Variants in AGBL4 observed in about 807,000 individuals in gnomAD.
AGBL4 encodes AGBL carboxypeptidase 4.
AGBL4 carries 58 observed loss-of-function variants against 66.4 expected under a neutral mutation model. The ratio of observed to expected loss-of-function variants is 0.87; its 90% CI spans 0.71 to 1.09. The LOEUF is 1.09. Ranked by LOEUF, AGBL4 falls within the 50% of genes least tolerant of loss-of-function variation. AGBL4 has a pLI of 0.00. For synonymous variants in AGBL4, 234 were observed against 222.9 expected, an observed-to-expected ratio of 1.05 and a Z score of -0.44; for missense variants, 579 against 631.0, an observed-to-expected ratio of 0.92 and a Z score of 0.88.
chr1:49,601,960 A>G (rs1644968511), intron 3 of AGBL4, among the ~76,000 whole-genome samples: 1 of 152,202 alleles, frequency 6.6e-6, no homozygotes, highest in African/African-American at 2.4e-5. Context: ...CCATCTGACA[A>G]AGGGCTAATA....
chr1:49,985,280 A>G (rs1659408137), intron 1 of AGBL4, among the ~76,000 whole-genome samples: 1 of 152,154 alleles, frequency 6.6e-6, no homozygotes, highest in South Asian at 2.1e-4. Context: ...TAAATAAATC[A>G]TTTTATTAGA....
chr1:49,605,130 A>T (rs547458485), intron 3 of AGBL4, among the ~76,000 whole-genome samples: 1 of 152,260 alleles, frequency 6.6e-6, no homozygotes, highest in African/African-American at 2.4e-5. Flanking sequence ...CAAGGTCACA[A>T]AGCTGTGGAG....
intron 3 of AGBL4, among the ~76,000 whole-genome samples, chr1:49,509,223 G>C (rs1339475624): frequency 2.6e-5 from 4 of 151,754 alleles, no homozygotes; most frequent in Non-Finnish European, 5.9e-5. Flanking sequence ...GAAGATTCAA[G>C]GTGGAGAGGA....
At chr1:48,672,904 C>T (rs1010840972) in intron 6 of AGBL4, among the ~76,000 whole-genome samples, 3 of 152,128 alleles carry the variant, frequency 2.0e-5, no homozygotes, top group South Asian at 2.1e-4. Flanking sequence ...GAAGAGGAAC[C>T]GTTTTGAGCA....
intron 1 of AGBL4, among the ~76,000 whole-genome samples, chr1:49,961,958 T>C (rs1364979834): frequency 6.6e-6 from 1 of 152,142 alleles, no homozygotes; most frequent in East Asian, 1.9e-4. Flanking sequence ...TTCTCTAGAA[T>C]TCTTTTGGAG....
Position 48,806,482 on chromosome 1 carries a change from C to G in AGBL4, c.634+60709G>C, listed in dbSNP as rs137886262. On this transcript the variant is annotated intron_variant, in intron 6 of 13. Coordinates refer to ENST00000371839, the MANE Select transcript of AGBL4 (RefSeq NM_032785.4). Reference sequence around the variant, plus strand: ...TGAGCAAAATCCCTACCTCTAGTGCCCCTACATTGATCTTTGTTCTGCATT... The same window carrying G: ...TGAGCAAAATCCCTACCTCTAGTGCGCCTACATTGATCTTTGTTCTGCATT... Among the ~76,000 whole-genome samples the G allele has an allele frequency of 5.9e-3, 905 of 152,290 alleles. 7 individuals are homozygous for G. The highest frequency in any genetic ancestry group is 9.1e-3 in the Non-Finnish European group (620 of 68,026).
intron 9 of AGBL4, among the ~76,000 whole-genome samples, chr1:48,618,937 T>C (rs943431208): frequency 6.8e-6 from 1 of 146,456 alleles, no homozygotes; most frequent in African/African-American, 2.6e-5. Flanking sequence ...GATGTCATTA[T>C]ACCAAGAAAA....
chr1:48,994,761 A>G (rs1660874816), intron 5 of AGBL4, among the ~76,000 whole-genome samples: 1 of 152,172 alleles, frequency 6.6e-6, no homozygotes. Context: ...TGGTTTATAT[A>G]TATATTCATT....
chr1:49,228,626 G>A (rs896003769), intron 4 of AGBL4, among the ~76,000 whole-genome samples: 7 of 152,226 alleles, frequency 4.6e-5, no homozygotes, highest in African/African-American at 1.4e-4. Context: ...AGTGAAACTG[G>A]ATTGCTGTGA....
chr1:49,190,428 T>G (rs1177913318), intron 4 of AGBL4, among the ~76,000 whole-genome samples: 1 of 152,208 alleles, frequency 6.6e-6, no homozygotes, highest in Non-Finnish European at 1.5e-5. Flanking sequence ...GCTTAACTTT[T>G]TATCAATCAT....
At chr1:49,477,740 G>A (rs902863536) in intron 3 of AGBL4, among the ~76,000 whole-genome samples, 2 of 151,900 alleles carry the variant, frequency 1.3e-5, no homozygotes, top group African/African-American at 4.8e-5. Flanking sequence ...AACAATCCTG[G>A]AGAAAGAGAT....
At chr1:49,115,116 G>A (rs143060189) in intron 4 of AGBL4, among the ~76,000 whole-genome samples, 174 of 152,214 alleles carry the variant, frequency 1.1e-3, no homozygotes, top group African/African-American at 3.9e-3. Flanking sequence ...AAAGCAAAAT[G>A]CTATAAAATG....
At chr1:49,947,961 TAA>T (rs1390202452) in intron 1 of AGBL4, among the ~76,000 whole-genome samples, 1 of 77,036 alleles carries the variant, frequency 1.3e-5, no homozygotes, top group Admixed American at 2.0e-4. Context: ...AATATATATA[TAA>T]ATATATATAT....
chr1:48,673,047 C>A (rs1646303032), intron 6 of AGBL4, among the ~76,000 whole-genome samples: 1 of 152,172 alleles, frequency 6.6e-6, no homozygotes, highest in African/African-American at 2.4e-5. Flanking sequence ...GAATTTGAAC[C>A]TTCTCTATCT....
chr1:48,844,853 A>G (rs1249707515), intron 6 of AGBL4, among the ~76,000 whole-genome samples: 1 of 152,182 alleles, frequency 6.6e-6, no homozygotes, highest in African/African-American at 2.4e-5. Flanking sequence ...TGTCTGATTC[A>G]TCTCTGTATG....
At chr1:49,243,612 G>T (rs371503782) in intron 4 of AGBL4, among the ~76,000 whole-genome samples, 2 of 151,782 alleles carry the variant, frequency 1.3e-5, no homozygotes, top group East Asian at 1.9e-4. Flanking sequence ...TTCCCTTTTG[G>T]AACAGATCTT....
chr1:49,601,041 C>T (rs766784836), intron 3 of AGBL4, among the ~76,000 whole-genome samples: 27 of 152,180 alleles, frequency 1.8e-4, no homozygotes, highest in Admixed American at 2.0e-4. Context: ...CCTGACCTTT[C>T]TCTCTGGCTG....
intron 2 of AGBL4, among the ~76,000 whole-genome samples, chr1:49,785,514 C>A (rs1166284725): frequency 6.6e-6 from 1 of 151,800 alleles, no homozygotes; most frequent in Non-Finnish European, 1.5e-5. Context: ...ACTATTGTTA[C>A]AATTAGAAAT....
intron 9 of AGBL4, among the ~76,000 whole-genome samples, chr1:48,602,263 G>A (rs959385696): frequency 2.0e-5 from 3 of 152,096 alleles, no homozygotes; most frequent in Non-Finnish European, 1.5e-5. Context: ...AAGCTGCTAC[G>A]TGACCCTGGA....
Sources: gnomAD v4.1 joint callset for allele counts (sites outside exome capture counted in the v4.1 genomes callset) on GRCh38, gnomAD v4.1.1 for gene constraint, MANE v1.5 for transcripts, NCBI Gene and HGNC (gene_info 2026-07-23, HGNC 2026-07-21) for gene names.